ANKIB1: variants seen among roughly 807,000 people sequenced by gnomAD.
The protein encoded by ANKIB1 is ankyrin repeat and IBR domain containing 1.
ANKIB1 carries 43 observed loss-of-function variants against 122.1 expected under a neutral mutation model. That is an observed-to-expected ratio of 0.35 (90% CI 0.28 to 0.45). ANKIB1 has a LOEUF of 0.45. Ranked by LOEUF, ANKIB1 falls within the 20% of genes least tolerant of loss-of-function variation. ANKIB1 has a pLI of 1.00. For missense variants in ANKIB1, 992 were observed against 1,329.5 expected, an observed-to-expected ratio of 0.75 and a Z score of 3.95; for synonymous variants, 390 against 442.0, an observed-to-expected ratio of 0.88 and a Z score of 1.48.
chr7:92,366,378 A>G (rs1360194136), intron 10 of ANKIB1, among the ~76,000 whole-genome samples: 1 of 152,120 alleles, frequency 6.6e-6, no homozygotes, highest in Non-Finnish European at 1.5e-5. Flanking sequence ...CTGTGGCATC[A>G]AATGGCTTTG....
chr7:92,278,593 T>G (rs1031421180), intron 1 of ANKIB1, among the ~76,000 whole-genome samples: 2 of 152,216 alleles, frequency 1.3e-5, no homozygotes, highest in African/African-American at 2.4e-5. Context: ...CCAGACTTTT[T>G]ATCCCAAAAG....
In ANKIB1 at chr7:92,398,380, A is replaced by C; in HGVS notation, c.2701A>C (p.Arg901=). The change falls in exon 20 of 20, where the codon AGA becomes CGA. Residue 901 remains arginine (R), a synonymous_variant. Coordinates refer to ENST00000265742, the MANE Select transcript of ANKIB1 (RefSeq NM_019004.2). ...SLPSRLDSVP[R]NTDSPRAALS... ...ACCTTCCAGGCTGGACTCTGTCCCCAGAAATACAGATAGCCCTCGGGCTGC... is the reference window on the plus strand; with the variant it reads ...ACCTTCCAGGCTGGACTCTGTCCCCCGAAATACAGATAGCCCTCGGGCTGC... 6.2e-7 allele frequency: 1 copy of C among 1,613,338 alleles called. No individual in the cohort carries two copies. Among genetic ancestry groups the C allele is most frequent in the Non-Finnish European group, 8.5e-7 (1 of 1,179,592 alleles).
At chr7:92,344,199 T>TG (rs1436750382) in intron 6 of ANKIB1, among the ~76,000 whole-genome samples, 4 of 61,742 alleles carry the variant, frequency 6.5e-5, no homozygotes, top group Admixed American at 1.6e-4. Context: ...TTTGGTTTTT[T>TG]TTTTTTTTTT....
intron 11 of ANKIB1, among the ~76,000 whole-genome samples, chr7:92,384,158 C>A (rs1804581647): frequency 6.6e-6 from 1 of 152,038 alleles, no homozygotes; most frequent in Admixed American, 6.6e-5. Context: ...GAATAAAATA[C>A]CTAGGAATCC....
At chr7:92,383,858 C>T (rs1465164901) in intron 11 of ANKIB1, among the ~76,000 whole-genome samples, 2 of 152,174 alleles carry the variant, frequency 1.3e-5, no homozygotes, top group East Asian at 3.8e-4. Context: ...TCTCACCACT[C>T]CTATTCAACA....
chr7:92,336,426 C>T (rs1368021210), intron 5 of ANKIB1, among the ~76,000 whole-genome samples: 1 of 151,852 alleles, frequency 6.6e-6, no homozygotes. Context: ...TATTTAAATC[C>T]ATGGTGATTA....
intron 11 of ANKIB1, among the ~76,000 whole-genome samples, chr7:92,383,106 T>C (rs1392777486): frequency 1.3e-5 from 2 of 152,112 alleles, no homozygotes; most frequent in African/African-American, 4.8e-5. Flanking sequence ...GAGAATAACA[T>C]AAACACCTCT....
intron 3 of ANKIB1, among the ~76,000 whole-genome samples, chr7:92,313,926 A>G (rs1802741680): frequency 6.6e-6 from 1 of 152,154 alleles, no homozygotes; most frequent in African/African-American, 2.4e-5. Context: ...TTAAAGGAGG[A>G]TAGAGGATGT....
chr7:92,316,300 A>C (rs1802793453), intron 3 of ANKIB1, among the ~76,000 whole-genome samples: 1 of 152,196 alleles, frequency 6.6e-6, no homozygotes, highest in South Asian at 2.1e-4. Context: ...TTGTCAAAGT[A>C]AGACACCTAA....
At chr7:92,289,022 C>G (rs1245442214) in intron 1 of ANKIB1, among the ~76,000 whole-genome samples, 1 of 152,096 alleles carries the variant, frequency 6.6e-6, no homozygotes, top group Non-Finnish European at 1.5e-5. Context: ...GATATTTACT[C>G]AAGAGAAATT....
At chr7:92,387,349 GCC>G (rs1804679065) in intron 12 of ANKIB1, among the ~76,000 whole-genome samples, 1 of 152,030 alleles carries the variant, frequency 6.6e-6, no homozygotes, top group Non-Finnish European at 1.5e-5. Flanking sequence ...AACATTGAAG[GCC>G]TTGGCCTTCA....
At chr7:92,290,479 T>G (rs1380330934) in intron 1 of ANKIB1, among the ~76,000 whole-genome samples, 2 of 151,896 alleles carry the variant, frequency 1.3e-5, no homozygotes, top group African/African-American at 4.8e-5. Flanking sequence ...AGATTTAAGG[T>G]TGTTATTATC....
chr7:92,360,237 C>T (rs747400323), intron 9 of ANKIB1, among the ~76,000 whole-genome samples: 25 of 152,160 alleles, frequency 1.6e-4, no homozygotes, highest in Non-Finnish European at 3.4e-4. Flanking sequence ...ATCCTCTCCT[C>T]CCCCAAGCTG....
chr7:92,259,557 G>A (rs1199152038), intron 1 of ANKIB1, among the ~76,000 whole-genome samples: 1 of 152,096 alleles, frequency 6.6e-6, no homozygotes, highest in Non-Finnish European at 1.5e-5. Context: ...AAATTATCAG[G>A]GGATTTATAT....
chr7:92,309,942 A>AAATATAT (rs1335765681), intron 3 of ANKIB1, among the ~76,000 whole-genome samples: 1 of 91,818 alleles, frequency 1.1e-5, no homozygotes, highest in East Asian at 4.6e-4. Context: ...AAAAAAAAAA[A>AAATATAT]ATATATATAT....
chr7:92,330,725 C>G (rs1258883161), intron 5 of ANKIB1, among the ~76,000 whole-genome samples: 1 of 151,876 alleles, frequency 6.6e-6, no homozygotes, highest in African/African-American at 2.4e-5. Flanking sequence ...GCCTGTAGTC[C>G]CAGCTACTTA....
intron 4 of ANKIB1, among the ~76,000 whole-genome samples, chr7:92,320,787 C>T (rs1278707180): frequency 6.6e-6 from 1 of 152,164 alleles, no homozygotes; most frequent in Non-Finnish European, 1.5e-5. Context: ...ATATTGTACA[C>T]AGGATTCAGA....
intron 12 of ANKIB1, among the ~76,000 whole-genome samples, chr7:92,386,964 C>T (rs911395241): frequency 3.3e-5 from 5 of 152,098 alleles, no homozygotes; most frequent in African/African-American, 1.2e-4. Context: ...TCTTAGTCTG[C>T]TCAGCTGCCA....
Position 92,354,889 on chromosome 7 carries a change from CCTT to C in ANKIB1, c.1397+2252_1397+2254del, listed in dbSNP as rs528375807. On this transcript the variant is annotated intron_variant, in intron 9 of 19. Coordinates refer to ENST00000265742, the MANE Select transcript of ANKIB1 (RefSeq NM_019004.2). ...CGCAAATGATTCTGGTTTTGCTTCT[CCTT>C]CTTCAAAATCTCAGAAGTAATTTTC... 5.1e-4 allele frequency among the ~76,000 whole-genome samples: 77 copies of C among 152,320 alleles called. 1 individual carries two copies. Among genetic ancestry groups the C allele is most frequent in the East Asian group, 9.6e-4 (5 of 5,186 alleles).
Sources: allele counts gnomAD v4.1 joint callset (sites outside exome capture counted in the v4.1 genomes callset), GRCh38; gene constraint gnomAD v4.1.1; transcripts MANE v1.5; gene names NCBI Gene and HGNC (gene_info 2026-07-23, HGNC 2026-07-21).